Variants in ERC2 observed in about 807,000 individuals in gnomAD.
ERC2 encodes ELKS/RAB6-interacting/CAST family member 2, also known as ERC protein 2.
ERC2 carries 42 observed loss-of-function variants against 114.8 expected under a neutral mutation model. The observed-to-expected ratio is 0.37, with a 90% confidence interval of 0.29 to 0.47. The LOEUF is 0.47. ERC2 is among the 20% of genes least tolerant of loss of function. ERC2 has a pLI of 0.99. For missense variants in ERC2, 939 were observed against 1,150.7 expected (o/e 0.82, Z 2.66); for synonymous variants, 454 against 425.5 (o/e 1.07, Z -0.82).
chr3:56,079,938 C>T (rs73091060), intron 7 of ERC2, among the ~76,000 whole-genome samples: 1,556 of 152,254 alleles, frequency 0.01, 6 homozygotes, highest in Non-Finnish European at 0.017. Context: ...CAGTTAGTTC[C>T]ATTTGCTGCA....
chr3:56,256,399 T>C (rs2052519026), intron 3 of ERC2, among the ~76,000 whole-genome samples: 1 of 152,246 alleles, frequency 6.6e-6, no homozygotes, highest in Non-Finnish European at 1.5e-5. Context: ...CTGAAGTTAA[T>C]AGCTCCTAAT....
At chr3:56,247,256 A>G (rs1268169211) in intron 3 of ERC2, among the ~76,000 whole-genome samples, 1 of 152,180 alleles carries the variant, frequency 6.6e-6, no homozygotes, top group Non-Finnish European at 1.5e-5. Flanking sequence ...TATGCAATTA[A>G]AAGTTAGAAT....
At chr3:55,699,631 CT>C (rs2063120572) in intron 15 of ERC2, 119 bp from the exon 16 acceptor site, 1 of 1,147,472 alleles carries the variant, frequency 8.7e-7, no homozygotes, top group Non-Finnish European at 1.2e-6. Context: ...GGAATTTTCA[CT>C]GTTAGTCAAG....
intron 17 of ERC2, among the ~76,000 whole-genome samples, chr3:55,632,535 G>A (rs1275352892): frequency 2.6e-5 from 4 of 152,220 alleles, no homozygotes; most frequent in African/African-American, 7.2e-5. Context: ...TTTGGTTTCA[G>A]TGGAAGCCCA....
intron 16 of ERC2, among the ~76,000 whole-genome samples, 188 bp from the exon 17 acceptor site, chr3:55,684,047 T>C (rs1296925609): frequency 6.6e-6 from 1 of 152,066 alleles, no homozygotes; most frequent in Non-Finnish European, 1.5e-5. Context: ...GTCAAATACA[T>C]AACCGGGTTT....
chr3:55,546,938 C>T (rs532610329), intron 17 of ERC2, among the ~76,000 whole-genome samples: 18 of 152,354 alleles, frequency 1.2e-4, no homozygotes, highest in East Asian at 5.8e-4. Flanking sequence ...GAGGCGGAGT[C>T]GCAGGTGGTT....
At chr3:56,208,817 G>T (rs2048888563) in intron 3 of ERC2, among the ~76,000 whole-genome samples, 1 of 152,152 alleles carries the variant, frequency 6.6e-6, no homozygotes, top group South Asian at 2.1e-4. Context: ...GTCAAGGGGG[G>T]CATCTATGAG....
At chr3:56,447,941 A>T (rs1253899573) in intron 1 of ERC2, among the ~76,000 whole-genome samples, 1 of 151,846 alleles carries the variant, frequency 6.6e-6, no homozygotes, top group Admixed American at 6.6e-5. Flanking sequence ...TGGGGCTTTG[A>T]CATTTTGTTC....
intron 13 of ERC2, among the ~76,000 whole-genome samples, chr3:55,944,932 C>A (rs1020536997): frequency 6.6e-6 from 1 of 152,174 alleles, no homozygotes; most frequent in African/African-American, 2.4e-5. Context: ...TCGTCTGAAA[C>A]CATGAACAGA....
Position 55,515,824 on chromosome 3 carries a change from G to A in ERC2, c.*40-4548C>T, listed in dbSNP as rs1486544437. ...TATTCCTTCAGACTGTTTTTCTTTGGAATAAAGACACCTGCCCGATTATGG... is the reference window on the plus strand; with the variant it reads ...TATTCCTTCAGACTGTTTTTCTTTGAAATAAAGACACCTGCCCGATTATGG... On this transcript the variant is annotated intron_variant, in intron 17 of 17. Coordinates refer to ENST00000288221, the MANE Select transcript of ERC2 (RefSeq NM_015576.3). 2.0e-5 allele frequency among the ~76,000 whole-genome samples: 3 copies of A among 151,956 alleles called. No homozygotes were observed. The East Asian group carries it at 5.8e-4, about 29-fold the overall frequency.
chr3:56,443,401 A>G (rs1393486661), intron 1 of ERC2, among the ~76,000 whole-genome samples: 5 of 152,238 alleles, frequency 3.3e-5, no homozygotes, highest in Non-Finnish European at 7.3e-5. Context: ...TTTCTCCCAC[A>G]AAATTTATAA....
chr3:55,819,789 C>T (rs765273971), intron 14 of ERC2, among the ~76,000 whole-genome samples: 2 of 152,164 alleles, frequency 1.3e-5, no homozygotes, highest in African/African-American at 2.4e-5. Context: ...TTCTCTGCCC[C>T]GTTTGATGTC....
chr3:55,955,506 T>C lies in ERC2; in HGVS notation c.2268-4946A>G, dbSNP rs530587223. On this transcript the variant is annotated intron_variant, in intron 12 of 17. Coordinates refer to ENST00000288221, the MANE Select transcript of ERC2 (RefSeq NM_015576.3). ...GAATCATATCGTACATAACCTTTTG[T>C]ATCTGTCATCTTTTGCTTAGCATAA... Among the ~76,000 whole-genome samples, 27 of 152,368 alleles carry C rather than the reference T, an allele frequency of 1.8e-4. No homozygotes were observed. The South Asian group carries it at 5.4e-3, about 30-fold the overall frequency.
intron 7 of ERC2, among the ~76,000 whole-genome samples, chr3:56,047,881 T>G (rs553973362): frequency 6.6e-6 from 1 of 152,092 alleles, no homozygotes; most frequent in African/African-American, 2.4e-5. Context: ...CATGTTCACA[T>G]TCAGTCAGTT....
intron 7 of ERC2, among the ~76,000 whole-genome samples, chr3:56,057,823 G>A (rs895382458): frequency 3.2e-4 from 49 of 151,918 alleles, no homozygotes; most frequent in African/African-American, 1.2e-3. Context: ...TAATTAATGA[G>A]TAAATGATAG....
intron 12 of ERC2, among the ~76,000 whole-genome samples, chr3:55,973,193 A>G (rs1446464457): frequency 6.6e-6 from 1 of 152,184 alleles, no homozygotes; most frequent in Admixed American, 6.5e-5. Context: ...TCTGGAGGCT[A>G]CTGCAATTGT....
intron 17 of ERC2, among the ~76,000 whole-genome samples, chr3:55,566,990 T>C (rs572008359): frequency 6.6e-6 from 1 of 152,340 alleles, no homozygotes; most frequent in South Asian, 2.1e-4. Context: ...CATAAGCCAC[T>C]GTGCCTGACC....
intron 2 of ERC2, among the ~76,000 whole-genome samples, chr3:56,374,722 A>C (rs2059476985): frequency 6.6e-6 from 1 of 152,202 alleles, no homozygotes; most frequent in South Asian, 2.1e-4. Context: ...TCTGTGGGAC[A>C]GAAGGCAGGA....
intron 14 of ERC2, among the ~76,000 whole-genome samples, chr3:55,762,643 T>C (rs1372110410): frequency 6.6e-6 from 1 of 152,162 alleles, no homozygotes; most frequent in Admixed American, 6.5e-5. Context: ...GACCCAGACC[T>C]TGGCTGAATT....
Sources: allele counts gnomAD v4.1 joint callset (sites outside exome capture counted in the v4.1 genomes callset), GRCh38; gene constraint gnomAD v4.1.1; transcripts MANE v1.5; gene names NCBI Gene and HGNC (gene_info 2026-07-23, HGNC 2026-07-21).